NMS: variants seen among roughly 807,000 people sequenced by gnomAD.
The protein encoded by NMS is neuromedin S, also known as neuromedin-S.
NMS carries 30 observed loss-of-function variants against 32.2 expected under a neutral mutation model. The ratio of observed to expected loss-of-function variants is 0.93; its 90% CI spans 0.70 to 1.26. The LOEUF is 1.26. NMS is among the 50% of genes most tolerant of loss of function. The probability of loss-of-function intolerance (pLI) is 0.00; values close to 1 mark genes in which losing one functional copy is unlikely to be tolerated. For synonymous variants in NMS, 76 were observed against 58.5 expected, an observed-to-expected ratio of 1.30 and a Z score of -1.37; for missense variants, 190 against 186.3, an observed-to-expected ratio of 1.02 and a Z score of -0.12.
chr2:100,477,043 C>T (rs72823231), intron 3 of NMS, among the ~76,000 whole-genome samples: 3,603 of 152,256 alleles, frequency 0.024, 63 homozygotes, highest in East Asian at 0.067. Flanking sequence ...TGATGTATTG[C>T]TGGCAATTTT....
At chr2:100,482,343 T>C (rs755381758) in intron 9 of NMS, 32 bp downstream of exon 9, 2 of 1,608,788 alleles carry the variant, frequency 1.2e-6, no homozygotes, top group African/African-American at 2.7e-5. Context: ...TCATCACCCT[T>C]TTTCTCTTTC....
intron 8 of NMS, 76 bp downstream of exon 8, chr2:100,481,243 C>T (rs182506180): frequency 7.4e-7 from 1 of 1,345,536 alleles, no homozygotes; most frequent in Non-Finnish European, 1.1e-6. Context: ...TGACTGCAAA[C>T]AGCAGAGCCA....
intron 1 of NMS, 37 bp downstream of exon 1, chr2:100,470,601 C>T: frequency 6.6e-7 from 1 of 1,519,162 alleles, no homozygotes; most frequent in South Asian, 1.1e-5. Context: ...CTGGCCTAAA[C>T]TCTGAGGATG....
chr2:100,480,361 G>T, intron 6 of NMS, 135 bp from the exon 7 acceptor site: 1 of 832,770 alleles, frequency 1.2e-6, no homozygotes. Flanking sequence ...CATTTGCCAT[G>T]CTCTCCACCT....
chr2:100,472,993 T>C (rs957784489), intron 2 of NMS, 143 bp downstream of exon 2: 7 of 542,818 alleles, frequency 1.3e-5, no homozygotes, highest in Admixed American at 3.3e-5. Context: ...CATGGCCTCA[T>C]TTAAGGCATC....
intron 9 of NMS, 73 bp from the exon 10 acceptor site, chr2:100,483,179 C>T (rs1677251655): frequency 5.2e-6 from 7 of 1,334,698 alleles, no homozygotes. Flanking sequence ...TACATAATAA[C>T]CTGCCCATGG....
chr2:100,471,388 C>G (rs1677004207), intron 1 of NMS, among the ~76,000 whole-genome samples: 1 of 152,238 alleles, frequency 6.6e-6, no homozygotes, highest in African/African-American at 2.4e-5. Context: ...AATCACAAAA[C>G]TGGGCCTTGC....
In NMS at chr2:100,483,237, C is replaced by G; in HGVS notation, c.450-15C>G. 1 of 1,611,354 alleles carries G rather than the reference C, an allele frequency of 6.2e-7. No homozygotes were observed. The highest frequency in any genetic ancestry group is 8.5e-7 in the Non-Finnish European group (1 of 1,178,074). ...GATTTGAACTGAGCAGTGCATTTTT[C>G]TTTTCTTTTTTTAGGATTCAGTGGT... On this transcript the variant is annotated splice_polypyrimidine_tract_variant and intron_variant, in intron 9 of 9. Coordinates refer to ENST00000376865, the MANE Select transcript of NMS (RefSeq NM_001011717.1).
chr2:100,473,446 C>T, intron 2 of NMS, 43 bp from the exon 3 acceptor site: 1 of 1,189,768 alleles, frequency 8.4e-7, no homozygotes, highest in Non-Finnish European at 1.2e-6. Context: ...CTCTCTTCAT[C>T]CCCCTCATCC....
intron 9 of NMS, 67 bp from the exon 10 acceptor site, chr2:100,483,185 C>A (rs747940640): frequency 4.3e-6 from 6 of 1,408,414 alleles, no homozygotes; most frequent in Non-Finnish European, 6.0e-6. Flanking sequence ...ATAACCTGCC[C>A]ATGGGCTTTG....
chr2:100,472,652 C>A, intron 1 of NMS, 143 bp from the exon 2 acceptor site: 1 of 571,772 alleles, frequency 1.7e-6, no homozygotes. Flanking sequence ...CAGATCAGAT[C>A]TTACTTTCCC....
intron 8 of NMS, among the ~76,000 whole-genome samples, chr2:100,481,894 T>C (rs1339294137): frequency 6.6e-6 from 1 of 152,164 alleles, no homozygotes; most frequent in Non-Finnish European, 1.5e-5. Flanking sequence ...ACTCTCTCAC[T>C]CCCATGGGTC....
At chr2:100,471,943 C>T (rs1370431962) in intron 1 of NMS, among the ~76,000 whole-genome samples, 1 of 150,604 alleles carries the variant, frequency 6.6e-6, no homozygotes, top group Non-Finnish European at 1.5e-5. Flanking sequence ...GTGCCTTTAC[C>T]TCATATCTTA....
At chr2:100,480,381 C>T (rs774353237) in intron 6 of NMS, 115 bp from the exon 7 acceptor site, 40 of 1,054,770 alleles carry the variant, frequency 3.8e-5, no homozygotes, top group Non-Finnish European at 5.3e-5. Flanking sequence ...TCCTCTTTTG[C>T]ACCAGACTTC....
chr2:100,481,195 T>C lies in NMS; in HGVS notation c.414+28T>C, dbSNP rs372041434. On this transcript the variant is annotated intron_variant, in intron 8 of 9. Coordinates refer to ENST00000376865, the MANE Select transcript of NMS (RefSeq NM_001011717.1). ...ATAGCATGTTTTCTCACCTTTGCTTTCTAACCTCGATTCACTGCAGCCATC... is the reference window on the plus strand; with the variant it reads ...ATAGCATGTTTTCTCACCTTTGCTTCCTAACCTCGATTCACTGCAGCCATC... 39 of 1,611,226 alleles carry C rather than the reference T, an allele frequency of 2.4e-5. No homozygotes were observed. The African/African-American group carries it at 5.1e-4, about 21-fold the overall frequency.
rs185114693 is a variant in NMS, at chr2:100,477,212, C to T, written c.184-32C>T. ...TCCGTTACCTGCCCCTGTAAAATTT[C>T]ATCTAACTTACCCTCACAATTCTCT... On this transcript the variant is annotated intron_variant, in intron 3 of 9. Coordinates refer to ENST00000376865, the MANE Select transcript of NMS (RefSeq NM_001011717.1). 20 of 1,605,446 alleles carry T rather than the reference C, an allele frequency of 1.2e-5. No homozygotes were observed. The Admixed American group carries it at 2.7e-4, about 21-fold the overall frequency.
intron 3 of NMS, among the ~76,000 whole-genome samples, chr2:100,476,684 G>T (rs1410808678): frequency 3.3e-5 from 5 of 151,896 alleles, no homozygotes; most frequent in African/African-American, 1.2e-4. Flanking sequence ...TTTGTAAGAA[G>T]TCTTCTTCCC....
In NMS at chr2:100,479,290, C is replaced by A. The variant is rs561469526; in HGVS notation, c.262-63C>A. On this transcript the variant is annotated intron_variant, in intron 5 of 9. Transcript: ENST00000376865. Reference sequence around the variant, plus strand: ...AGAAAGAAATGCGCATAGCCCTGGGCTCTCAAAATACCCCTCTGTGGATGT... The same window carrying A: ...AGAAAGAAATGCGCATAGCCCTGGGATCTCAAAATACCCCTCTGTGGATGT... 106 of 1,221,020 alleles carry A rather than the reference C, an allele frequency of 8.7e-5. No homozygotes were observed. In the East Asian group the frequency reaches 1.9e-3, roughly 22 times the overall value. 75.6% of individuals were successfully genotyped at this position (1,221,020 alleles called of 1,614,324 possible).
chr2:100,476,573 G>A (rs1319688716), intron 3 of NMS, among the ~76,000 whole-genome samples: 1 of 152,170 alleles, frequency 6.6e-6, no homozygotes, highest in African/African-American at 2.4e-5. Flanking sequence ...AGTGAGATGT[G>A]AATGATCAGT....
Sources: gnomAD v4.1 joint callset for allele counts (sites outside exome capture counted in the v4.1 genomes callset) on GRCh38, gnomAD v4.1.1 for gene constraint, MANE v1.5 for transcripts, NCBI Gene and HGNC (gene_info 2026-07-23, HGNC 2026-07-21) for gene names.